The following WWOX variants were observed in gnomAD, a reference collection of about 807,000 sequenced individuals.
The protein encoded by WWOX is WW domain-containing oxidoreductase.
Under a neutral mutation model 46.2 loss-of-function variants are expected in WWOX, and 69 were observed. The ratio of observed to expected loss-of-function variants is 1.49; its 90% CI spans 1.23 to 1.82. The LOEUF (loss-of-function observed/expected upper bound fraction) is 1.82, where lower values mean the gene tolerates loss of function less well. WWOX is among the 40% of genes most tolerant of loss of function. The pLI, the probability that WWOX is intolerant of heterozygous loss-of-function variation, is 0.00. For missense variants in WWOX, 919 were observed against 542.6 expected, an observed-to-expected ratio of 1.69 and a Z score of -6.89; for synonymous variants, 359 against 202.6, an observed-to-expected ratio of 1.77 and a Z score of -6.56.
chr16:79,030,419 T>C (rs1022772981), intron 8 of WWOX, among the ~76,000 whole-genome samples: 1 of 152,204 alleles, frequency 6.6e-6, no homozygotes, highest in Admixed American at 6.5e-5. Flanking sequence ...GGCCCTTTTT[T>C]CCCAAAGTGT....
intron 8 of WWOX, among the ~76,000 whole-genome samples, chr16:78,790,580 C>G (rs958483312): frequency 1.3e-5 from 2 of 152,174 alleles, no homozygotes; most frequent in Non-Finnish European, 2.9e-5. Flanking sequence ...AGGAGATAAG[C>G]AGAAACTGAA....
intron 8 of WWOX, among the ~76,000 whole-genome samples, chr16:78,888,370 A>C (rs375578102): frequency 1.3e-5 from 2 of 152,174 alleles, no homozygotes; most frequent in East Asian, 3.9e-4. Context: ...GCCCAGAGGC[A>C]GCTCCCTTGG....
intron 5 of WWOX, among the ~76,000 whole-genome samples, chr16:78,372,640 C>T (rs1429154591): frequency 6.6e-6 from 1 of 152,204 alleles, no homozygotes; most frequent in Admixed American, 6.5e-5. Flanking sequence ...TAGCAGCTGT[C>T]AGCCCACTTC....
At chr16:78,174,788 G>T (rs959903255) in intron 5 of WWOX, among the ~76,000 whole-genome samples, 5 of 152,002 alleles carry the variant, frequency 3.3e-5, no homozygotes, top group African/African-American at 9.7e-5. Flanking sequence ...AAAAGCTGGC[G>T]ACCAGCCTGG....
At chr16:79,070,587 G>A (rs1168737018) in intron 8 of WWOX, among the ~76,000 whole-genome samples, 3 of 152,142 alleles carry the variant, frequency 2.0e-5, no homozygotes, top group Admixed American at 1.3e-4. Context: ...AGTCAGGTTC[G>A]GACTGGTGCA....
intron 8 of WWOX, among the ~76,000 whole-genome samples, chr16:78,948,840 G>C (rs1158250448): frequency 6.6e-6 from 1 of 152,112 alleles, no homozygotes; most frequent in East Asian, 1.9e-4. Flanking sequence ...AGGTTATCCT[G>C]GGTGATTAGC....
chr16:78,726,912 G>C (rs1198689220), intron 8 of WWOX, among the ~76,000 whole-genome samples: 1 of 152,112 alleles, frequency 6.6e-6, no homozygotes, highest in Non-Finnish European at 1.5e-5. Flanking sequence ...CATTTCCGTG[G>C]GTGGCTCTAA....
intron 8 of WWOX, among the ~76,000 whole-genome samples, chr16:78,460,537 A>G (rs1028623900): frequency 5.3e-5 from 8 of 152,178 alleles, no homozygotes; most frequent in African/African-American, 1.9e-4. Flanking sequence ...TGTGACTGAT[A>G]CCAACACCAT....
intron 8 of WWOX, among the ~76,000 whole-genome samples, chr16:79,138,588 C>T (rs1488002624): frequency 6.6e-6 from 1 of 152,206 alleles, no homozygotes; most frequent in African/African-American, 2.4e-5. Flanking sequence ...TATTAGGGTG[C>T]TCTGGGCAAG....
intron 8 of WWOX, among the ~76,000 whole-genome samples, chr16:78,978,875 A>C (rs980914355): frequency 6.6e-6 from 1 of 152,112 alleles, no homozygotes; most frequent in Non-Finnish European, 1.5e-5. Context: ...ATTCAACATG[A>C]GATTTCGGCG....
At chr16:78,721,231 C>A (rs1013446323) in intron 8 of WWOX, among the ~76,000 whole-genome samples, 1 of 130,306 alleles carries the variant, frequency 7.7e-6, no homozygotes, top group Non-Finnish European at 1.6e-5. Flanking sequence ...ATTGATATGC[C>A]CCATGTCTAA....
chr16:79,005,302 T>A (rs1047884204), intron 8 of WWOX, among the ~76,000 whole-genome samples: 1 of 152,174 alleles, frequency 6.6e-6, no homozygotes, highest in African/African-American at 2.4e-5. Context: ...TGGGAGGAGA[T>A]GCAACACACA....
At chr16:78,659,586 G>A (rs1482501724) in intron 8 of WWOX, among the ~76,000 whole-genome samples, 1 of 152,142 alleles carries the variant, frequency 6.6e-6, no homozygotes, top group Admixed American at 6.5e-5. Flanking sequence ...ATTATCAAAT[G>A]TTTCCAAAGT....
intron 6 of WWOX, among the ~76,000 whole-genome samples, chr16:78,421,512 A>G (rs961586285): frequency 3.9e-5 from 6 of 152,162 alleles, no homozygotes; most frequent in African/African-American, 1.4e-4. Flanking sequence ...CACATTTGCG[A>G]AGACCCTTTT....
At chr16:78,190,576 C>T (rs1159821083) in intron 5 of WWOX, among the ~76,000 whole-genome samples, 2 of 152,150 alleles carry the variant, frequency 1.3e-5, no homozygotes, top group African/African-American at 4.8e-5. Flanking sequence ...CTATTGTGCA[C>T]ACATATTCGT....
rs540559906 is a variant in WWOX at position 79,153,417 on chromosome 16, C to G, written c.1057-58191C>G. On this transcript the variant is annotated intron_variant, in intron 8 of 8. Transcript: ENST00000566780. ...CTTACTTAGGGAACTGTGGAGGTGT[C>G]CTCAGGTAGCCACTGGTGTGTGGGG... is the stretch of plus-strand genomic sequence containing the variant. Among the ~76,000 whole-genome samples, 10 of 152,272 alleles carry G rather than the reference C, an allele frequency of 6.6e-5. No homozygotes were observed. The South Asian group carries it at 2.1e-3, about 32-fold the overall frequency.
chr16:78,764,203 C>G (rs892314548), intron 8 of WWOX, among the ~76,000 whole-genome samples: 1 of 152,108 alleles, frequency 6.6e-6, no homozygotes, highest in African/African-American at 2.4e-5. Flanking sequence ...AGTCTTCCGG[C>G]TCTACCCTGT....
At chr16:79,079,275 C>T (rs915106536) in intron 8 of WWOX, among the ~76,000 whole-genome samples, 1 of 152,162 alleles carries the variant, frequency 6.6e-6, no homozygotes, top group African/African-American at 2.4e-5. Flanking sequence ...ATCACCTTAG[C>T]CCATAAGTGA....
At chr16:79,140,088 C>T (rs1052351537) in intron 8 of WWOX, among the ~76,000 whole-genome samples, 1 of 152,196 alleles carries the variant, frequency 6.6e-6, no homozygotes, top group African/African-American at 2.4e-5. Context: ...CCCATGGTCT[C>T]AATGCTGTTG....
Sources: allele counts gnomAD v4.1 joint callset (sites outside exome capture counted in the v4.1 genomes callset), GRCh38; gene constraint gnomAD v4.1.1; transcripts MANE v1.5; gene names NCBI Gene and HGNC (gene_info 2026-07-23, HGNC 2026-07-21).